CNTN4: variants seen among roughly 807,000 people sequenced by gnomAD.
CNTN4 encodes contactin 4.
CNTN4 carries 77 observed loss-of-function variants against 122.5 expected under a neutral mutation model. The ratio of observed to expected loss-of-function variants is 0.63; its 90% CI spans 0.52 to 0.76. The LOEUF (loss-of-function observed/expected upper bound fraction) is 0.76, where lower values mean the gene tolerates loss of function less well. Among genes scored for constraint, CNTN4 ranks in the 30% least tolerant of loss-of-function variants. The pLI is 0.00. For synonymous variants in CNTN4, 512 were observed against 447.0 expected (o/e 1.15, Z -1.83); for missense variants, 1,256 against 1,259.1 (o/e 1.00, Z 0.04).
At chr3:2,735,991 A>T (rs993272855) in intron 4 of CNTN4, 7 of 656,020 alleles carry the variant, frequency 1.1e-5, no homozygotes, top group Non-Finnish European at 2.0e-5. Context: ...TAGTAAAATT[A>T]GTGACCAATG....
chr3:2,154,379 C>CAA (rs34618946), intron 2 of CNTN4, among the ~76,000 whole-genome samples: 3,370 of 127,842 alleles, frequency 0.026, 43 homozygotes, highest in Middle Eastern at 0.073. Flanking sequence ...GACACTGTCT[C>CAA]AAAAAAAAAA....
At chr3:2,682,662 G>A (rs1310801106) in intron 4 of CNTN4, among the ~76,000 whole-genome samples, 1 of 152,034 alleles carries the variant, frequency 6.6e-6, no homozygotes, top group Non-Finnish European at 1.5e-5. Flanking sequence ...TACCTGGAAT[G>A]GGTTAATTAA....
intron 4 of CNTN4, among the ~76,000 whole-genome samples, chr3:2,653,367 A>G (rs1576351837): frequency 6.6e-6 from 1 of 152,214 alleles, no homozygotes; most frequent in African/African-American, 2.4e-5. Flanking sequence ...CAACTGGTAC[A>G]TTAACCAGAG....
intron 13 of CNTN4, among the ~76,000 whole-genome samples, chr3:2,946,585 G>A (rs772051010): frequency 6.6e-6 from 1 of 151,540 alleles, no homozygotes; most frequent in Non-Finnish European, 1.5e-5. Flanking sequence ...CTGGCTCCAC[G>A]TTTAATTTTT....
intron 2 of CNTN4, among the ~76,000 whole-genome samples, chr3:2,173,006 C>T (rs2036584095): frequency 6.6e-6 from 1 of 152,288 alleles, no homozygotes; most frequent in East Asian, 1.9e-4. Flanking sequence ...CAGTGATCTG[C>T]AACGTGGTAG....
intron 5 of CNTN4, among the ~76,000 whole-genome samples, chr3:2,741,918 G>A (rs1357645241): frequency 6.6e-6 from 1 of 152,168 alleles, no homozygotes; most frequent in Non-Finnish European, 1.5e-5. Context: ...GAAACACTGA[G>A]AACAAAACTT....
intron 4 of CNTN4, among the ~76,000 whole-genome samples, chr3:2,604,387 G>A (rs1240339258): frequency 3.3e-5 from 5 of 152,102 alleles, no homozygotes; most frequent in African/African-American, 1.2e-4. Context: ...TCTATGTAAG[G>A]TACCAGCTAG....
At chr3:3,027,724 G>A (rs777256293) in intron 15 of CNTN4, among the ~76,000 whole-genome samples, 20 of 152,160 alleles carry the variant, frequency 1.3e-4, no homozygotes, top group African/African-American at 4.1e-4. Context: ...TCAGAATGGC[G>A]CAAGCACCAA....
chr3:3,027,768 G>A (rs1454304027), intron 15 of CNTN4, among the ~76,000 whole-genome samples: 2 of 152,182 alleles, frequency 1.3e-5, no homozygotes, highest in Admixed American at 6.5e-5. Context: ...AATCGAAGTG[G>A]ACGTCCTACC....
intron 2 of CNTN4, among the ~76,000 whole-genome samples, 186 bp from the exon 3 acceptor site, chr3:2,338,992 G>A (rs1264789234): frequency 4.6e-5 from 7 of 150,836 alleles, no homozygotes; most frequent in Admixed American, 6.6e-5. Context: ...AATGGATCCT[G>A]GATCCTAATC....
At chr3:3,048,608 ACT>A (rs562207683) in intron 23 of CNTN4, among the ~76,000 whole-genome samples, 132 of 151,378 alleles carry the variant, frequency 8.7e-4, no homozygotes, top group African/African-American at 2.9e-3. Context: ...AGCTCAGGAA[ACT>A]CTCCCTAGTG....
At chr3:2,806,516 A>G (rs1372758552) in intron 6 of CNTN4, among the ~76,000 whole-genome samples, 1 of 152,228 alleles carries the variant, frequency 6.6e-6, no homozygotes, top group African/African-American at 2.4e-5. Flanking sequence ...CATCGCTGAC[A>G]CAGATGATCA....
chr3:2,437,583 T>A (rs900756052), intron 3 of CNTN4, among the ~76,000 whole-genome samples: 1 of 152,194 alleles, frequency 6.6e-6, no homozygotes, highest in Admixed American at 6.6e-5. Flanking sequence ...TCTAAAAATT[T>A]TAACATGCAA....
intron 4 of CNTN4, among the ~76,000 whole-genome samples, chr3:2,622,328 G>A (rs1308083740): frequency 6.6e-6 from 1 of 152,174 alleles, no homozygotes; most frequent in African/African-American, 2.4e-5. Context: ...ACACCTGGCT[G>A]CAGGAAATGT....
chr3:2,298,887 G>A (rs2042405356), intron 2 of CNTN4, among the ~76,000 whole-genome samples: 1 of 152,164 alleles, frequency 6.6e-6, no homozygotes, highest in Non-Finnish European at 1.5e-5. Flanking sequence ...TTTGTAACAT[G>A]TGAAACACTT....
chr3:2,125,050 C>G (rs1328221782), intron 2 of CNTN4, among the ~76,000 whole-genome samples: 2 of 152,038 alleles, frequency 1.3e-5, no homozygotes, highest in African/African-American at 2.4e-5. Context: ...TAGCAGATCT[C>G]TAGCACTTAT....
intron 6 of CNTN4, among the ~76,000 whole-genome samples, chr3:2,814,825 A>G (rs1313657006): frequency 6.6e-6 from 1 of 152,226 alleles, no homozygotes; most frequent in Non-Finnish European, 1.5e-5. Flanking sequence ...CAGCTGTGTC[A>G]CCTATAAATT....
chr3:2,350,576 AATAGAG>A (rs140669431), intron 3 of CNTN4, among the ~76,000 whole-genome samples: 10,262 of 81,746 alleles, frequency 0.13, 405 homozygotes, highest in East Asian at 0.35. Context: ...TAAAGAAAAA[AATAGAG>A]TAGAATTCTA....
At chr3:2,276,864 C>T (rs768885599) in intron 2 of CNTN4, among the ~76,000 whole-genome samples, 9 of 151,940 alleles carry the variant, frequency 5.9e-5, no homozygotes, top group South Asian at 2.1e-4. Context: ...TGCAGTGAGC[C>T]GAGATCGCTC....
Sources: gnomAD v4.1 joint callset for allele counts (sites outside exome capture counted in the v4.1 genomes callset) on GRCh38, gnomAD v4.1.1 for gene constraint, MANE v1.5 for transcripts, NCBI Gene and HGNC (gene_info 2026-07-23, HGNC 2026-07-21) for gene names.